The following DOCK7 variants were observed in gnomAD, a reference collection of about 807,000 sequenced individuals.
DOCK7 encodes dedicator of cytokinesis 7.
Under a neutral mutation model 271.0 loss-of-function variants are expected in DOCK7, and 138 were observed. That is an observed-to-expected ratio of 0.51 (90% CI 0.44 to 0.59). The LOEUF is 0.59. DOCK7 is among the 20% of genes least tolerant of loss of function. DOCK7 has a pLI of 0.00. For missense variants in DOCK7, 2,066 were observed against 2,592.4 expected (o/e 0.80, Z 4.41); for synonymous variants, 823 against 876.1 (o/e 0.94, Z 1.07).
intron 1 of DOCK7, among the ~76,000 whole-genome samples, chr1:62,669,039 T>A (rs912514540): frequency 6.6e-6 from 1 of 151,950 alleles, no homozygotes; most frequent in Non-Finnish European, 1.5e-5. Flanking sequence ...GTATATCACA[T>A]CCTCCATAAA....
intron 43 of DOCK7, 129 bp downstream of exon 43, chr1:62,487,269 T>C: frequency 1.2e-6 from 1 of 850,794 alleles, no homozygotes; most frequent in Non-Finnish European, 1.9e-6. Context: ...ATTTCTTTGG[T>C]TAATGAATTC....
chr1:62,455,493 G>C, intron 49 of DOCK7, 37 bp from the exon 50 acceptor site: 1 of 1,601,516 alleles, frequency 6.2e-7, no homozygotes. Context: ...TAGTTAAAGA[G>C]AACAATTTTT....
chr1:62,688,282 C>CTGCGGCGACGGT lies in DOCK7; in HGVS notation c.-19_-18insACCGTCGCCGCA, dbSNP rs758186032. 8.9e-5 allele frequency: 113 copies of CTGCGGCGACGGT among 1,275,848 alleles called. No individual in the cohort carries two copies. In the South Asian group the frequency reaches 2.5e-3, roughly 28 times the overall value. The allele number at this position is 1,275,848 out of a possible 1,614,324, so 79.0% of individuals were successfully genotyped here. A position where few individuals can be genotyped will look rare whatever the true frequency, so the allele number is the denominator to read the frequency against. On this transcript the variant is annotated 5_prime_UTR_variant, in exon 1 of 50. Transcript: ENST00000635253. The stretch of plus-strand genomic sequence containing the variant: ...TCGGCCATGGCTGCTGCGGCGACGG[C>CTGCGGCGACGGT]GACGGCGGCGGCGGCTGCGGCGGGC...
At chr1:62,485,091 G>T in intron 43 of DOCK7, 1 of 924,092 alleles carries the variant, frequency 1.1e-6, no homozygotes, top group Non-Finnish European at 1.3e-6. Context: ...AGCTGTGATC[G>T]TGCCACTGCA....
intron 34 of DOCK7, among the ~76,000 whole-genome samples, chr1:62,508,376 C>A (rs1307911198): frequency 6.6e-6 from 1 of 152,134 alleles, no homozygotes; most frequent in Non-Finnish European, 1.5e-5. Flanking sequence ...GCTATGTGGG[C>A]TTGTATTTAG....
At chr1:62,485,798 G>T in intron 43 of DOCK7, 1 of 729,540 alleles carries the variant, frequency 1.4e-6, no homozygotes, top group Non-Finnish European at 1.7e-6. Flanking sequence ...TTAAATGCAG[G>T]CATCCATTTA....
rs1657710441 is a variant in DOCK7 at position 62,654,172 on chromosome 1, T to C, written c.145-13A>G. ...CGGTAAGGGGCACCTTTGTAAAAAGTTGGGATAAGAGATGGGTAGAAAACA... is the reference window on the plus strand; with the variant it reads ...CGGTAAGGGGCACCTTTGTAAAAAGCTGGGATAAGAGATGGGTAGAAAACA... On this transcript the variant is annotated splice_polypyrimidine_tract_variant and intron_variant, in intron 2 of 49. Coordinates refer to ENST00000635253, the MANE Select transcript of DOCK7 (RefSeq NM_001367561.1). 5 of 1,603,064 alleles carry C rather than the reference T, an allele frequency of 3.1e-6. No individual in the cohort carries two copies. The highest frequency in any genetic ancestry group is 4.3e-6 in the Non-Finnish European group (5 of 1,174,468).
At chr1:62,514,098 C>T (rs1571357515) in intron 31 of DOCK7, among the ~76,000 whole-genome samples, 200 bp from the exon 32 acceptor site, 1 of 152,108 alleles carries the variant, frequency 6.6e-6, no homozygotes, top group African/African-American at 2.4e-5. Context: ...TTTAATGAAC[C>T]TTTCCTGATA....
Position 62,559,119 on chromosome 1 carries a change from T to G in DOCK7, c.2301A>C (p.Glu767Asp). 1 of 1,613,904 alleles carries G rather than the reference T, an allele frequency of 6.2e-7. No homozygotes were observed. The highest frequency in any genetic ancestry group is 8.5e-7 in the Non-Finnish European group (1 of 1,179,926). ...CTGAAATACTGCTCTTCAATTCATT[T>G]TCTAAGTTATTTTCCATGATTCGCA... ...GDMRIMENNL[E>D]NELKSSISAL... The change falls in exon 20 of 50, where the codon GAA becomes GAC. Residue 767 changes from glutamate (E) to aspartate (D), a missense_variant. By Grantham distance (45) the Glu-to-Asp change is conservative. This residue lies in a region of DOCK7 where 1,414 missense variants were observed against 1,670.4 expected (regional missense o/e 0.85). Transcript: ENST00000635253.
intron 48 of DOCK7, among the ~76,000 whole-genome samples, chr1:62,466,181 G>C (rs1645669743): frequency 6.6e-6 from 1 of 152,026 alleles, no homozygotes; most frequent in Admixed American, 6.6e-5. Context: ...ATATTTGCCT[G>C]AACAGGTTTT....
chr1:62,565,998 G>A (rs375368049), intron 18 of DOCK7, among the ~76,000 whole-genome samples: 94 of 152,014 alleles, frequency 6.2e-4, no homozygotes, highest in African/African-American at 2.1e-3. Context: ...TTTACAAGGG[G>A]TATGAAGGAC....
intron 14 of DOCK7, chr1:62,608,737 A>T (rs1490297250): frequency 6.6e-6 from 1 of 152,190 alleles, no homozygotes; most frequent in Non-Finnish European, 1.5e-5. Flanking sequence ...CACATGTCTC[A>T]TTATGAGGTA....
intron 1 of DOCK7, among the ~76,000 whole-genome samples, chr1:62,673,653 C>A (rs114769958): frequency 0.017 from 2,641 of 152,176 alleles, 78 homozygotes; most frequent in African/African-American, 0.06. Flanking sequence ...CCCAGAGCTG[C>A]CTTACCCATA....
At chr1:62,599,801 C>T (rs367866363) in intron 14 of DOCK7, among the ~76,000 whole-genome samples, 3 of 151,952 alleles carry the variant, frequency 2.0e-5, no homozygotes, top group East Asian at 1.9e-4. Flanking sequence ...AATTAATCTA[C>T]AATGTAAACA....
intron 17 of DOCK7, 91 bp from the exon 18 acceptor site, chr1:62,577,454 A>G (rs905531785): frequency 6.5e-6 from 5 of 769,228 alleles, no homozygotes; most frequent in Non-Finnish European, 9.8e-6. Context: ...TACAAGCCAA[A>G]TTTGTCCCAT....
At chr1:62,601,662 A>G in intron 14 of DOCK7, 1 of 770,126 alleles carries the variant, frequency 1.3e-6, no homozygotes, top group Non-Finnish European at 2.2e-6. Context: ...ATTACTGAAA[A>G]AATGCTACAT....
At chr1:62,613,579 T>C (rs1273511078) in intron 14 of DOCK7, among the ~76,000 whole-genome samples, 2 of 152,140 alleles carry the variant, frequency 1.3e-5, no homozygotes. Flanking sequence ...TAAACTAATA[T>C]AGACCTCTTT....
Position 62,457,543 on chromosome 1 carries a change from G to A in DOCK7, c.6375C>T (p.Cys2125=), listed in dbSNP as rs2149219371. ...CCACTTAAAAATAAGCATACCTGTG[G>A]CAGGTGACAGGCAATACTGCCTTGT... The part of the protein sequence containing the change: ...QLYKAVLPVT[C]HRDSFSRMSL... The change falls in exon 49 of 50, where the codon TGC becomes TGT. Residue 2125 remains cysteine, a synonymous_variant. Coordinates refer to ENST00000635253, the MANE Select transcript of DOCK7 (RefSeq NM_001367561.1). The A allele has an allele frequency of 6.2e-7, 1 of 1,612,870 alleles. No individual in the cohort carries two copies. The highest frequency in any genetic ancestry group is 8.5e-7 in the Non-Finnish European group (1 of 1,179,620).
chr1:62,610,940 T>G (rs1328839168), intron 14 of DOCK7, among the ~76,000 whole-genome samples: 1 of 152,348 alleles, frequency 6.6e-6, no homozygotes, highest in Middle Eastern at 3.4e-3. Flanking sequence ...TGTGTCTTTA[T>G]AGTAGAATGA....
Sources: gnomAD v4.1 joint callset for allele counts (sites outside exome capture counted in the v4.1 genomes callset) on GRCh38, gnomAD v4.1.1 for gene constraint, gnomAD v4.1.1 regional missense constraint, MANE v1.5 for transcripts, NCBI Gene and HGNC (gene_info 2026-07-23, HGNC 2026-07-21) for gene names.